The following TJP3 variants were observed in gnomAD, a reference collection of about 807,000 sequenced individuals.
The protein encoded by TJP3 is tight junction protein ZO-3.
In TJP3, 85 loss-of-function variants were observed where a neutral mutation model predicts 104.2. That is an observed-to-expected ratio of 0.82 (90% CI 0.68 to 0.98). TJP3 has a LOEUF of 0.98. Ranked by LOEUF, TJP3 falls within the 50% of genes least tolerant of loss-of-function variation. TJP3 has a pLI of 0.00. For synonymous variants in TJP3, 550 were observed against 550.6 expected, an observed-to-expected ratio of 1.00 and a Z score of 0.02; for missense variants, 1,367 against 1,322.8, an observed-to-expected ratio of 1.03 and a Z score of -0.52.
Position 3,746,422 on chromosome 19 carries a change from C to T in TJP3, c.2011-63C>T. 6.4e-7 allele frequency: 1 copy of T among 1,558,156 alleles called. No individual in the cohort carries two copies. The highest frequency in any genetic ancestry group is 1.1e-5 in the South Asian group (1 of 87,740). On this transcript the variant is annotated intron_variant, in intron 16 of 20. Transcript: ENST00000541714. This position sits in a 1 kb window ranked among gnomAD's most constrained non-coding sequence, Gnocchi z 4.1. ...GACCTCAGACTCTTCATCTTTCTAT[C>T]TTTCTCTCTCTGTTTACCCTGCTGC... is the stretch of plus-strand genomic sequence containing the variant.
rs777812692 is a variant in TJP3 at position 3,739,083 on chromosome 19, T to A, written c.1580T>A (p.Met527Lys). The change falls in exon 13 of 21, where the codon ATG becomes AAG. Residue 527 changes from methionine to lysine, a missense_variant. Coordinates refer to ENST00000541714, the MANE Select transcript of TJP3 (RefSeq NM_001267560.2). ...ARGGHWLAVRMGRDLREQERG... is the reference protein window; with the variant it reads ...ARGGHWLAVRKGRDLREQERG... Reference sequence around the variant, plus strand: ...GGAGGCCACTGGCTGGCGGTGCGCATGGGTCGTGACCTGCGGGAGCAAGAG... The same window carrying A: ...GGAGGCCACTGGCTGGCGGTGCGCAAGGGTCGTGACCTGCGGGAGCAAGAG... 1.1e-5 allele frequency: 18 copies of A among 1,603,650 alleles called. No homozygotes were observed. The East Asian group carries it at 3.6e-4, about 32-fold the overall frequency.
rs759313220 is a variant in TJP3, at chr19:3,730,719, G to A, written c.613+13G>A. 35 of 1,601,356 alleles carry A rather than the reference G, an allele frequency of 2.2e-5. No homozygotes were observed. Among genetic ancestry groups the A allele is most frequent in the African/African-American group, 9.3e-5 (7 of 75,024 alleles). The stretch of plus-strand genomic sequence containing the variant: ...AGAGACAGCGAAGGTCAGAAGAGGC[G>A]GGAGGTCGGACACGATCAGTACTGG... On this transcript the variant is annotated intron_variant, in intron 5 of 20. Transcript: ENST00000541714. This position sits in a 1 kb window ranked among gnomAD's most constrained non-coding sequence, Gnocchi z 7.3.
Position 3,736,245 on chromosome 19 carries a change from G to T in TJP3, c.1208G>T (p.Gly403Val). 6.4e-7 allele frequency: 1 copy of T among 1,573,178 alleles called. No individual in the cohort carries two copies. ...CGGCTGGCAGGGGGCAATGACGTGG[G>T]CATCTTCGTGTCCGGGGTGCAGGCG... ...GLRLAGGNDV[G>V]IFVSGVQAGS... The change falls in exon 11 of 21, where the codon GGC becomes GTC. Residue 403 changes from glycine to valine, a missense_variant. Transcript: ENST00000541714.
chr19:3,709,974 C>G (rs1225324227), intron 1 of TJP3, among the ~76,000 whole-genome samples: 2 of 151,846 alleles, frequency 1.3e-5, no homozygotes, highest in African/African-American at 4.8e-5. Flanking sequence ...ATGGTGGAAC[C>G]CTGTCTCTAC....
At chr19:3,728,745 G>C in intron 3 of TJP3, 32 bp downstream of exon 3, 1 of 1,607,500 alleles carries the variant, frequency 6.2e-7, no homozygotes, top group Non-Finnish European at 8.5e-7. Context: ...TTCTGGCGGG[G>C]GAGGGCACGT....
intron 2 of TJP3, 35 bp downstream of exon 2, chr19:3,728,515 A>T (rs1294595049): frequency 6.2e-7 from 1 of 1,603,018 alleles, no homozygotes; most frequent in Non-Finnish European, 8.5e-7. Context: ...GGTGCCAGAG[A>T]GTATGGCGGC....
In TJP3 at chr19:3,740,737, C is replaced by A; in HGVS notation, c.1817C>A (p.Pro606His). The A allele has an allele frequency of 6.3e-7, 1 of 1,591,832 alleles. No individual in the cohort carries two copies. Among genetic ancestry groups the A allele is most frequent in the Non-Finnish European group, 8.5e-7 (1 of 1,170,116 alleles). The change falls in exon 14 of 21, where the codon CCC becomes CAC. Residue 606 changes from proline (P) to histidine (H), a missense_variant. Transcript: ENST00000541714. ...SALTRQGRYPPYERVVLREAS... is the reference protein window; with the variant it reads ...SALTRQGRYPHYERVVLREAS... ...CTGACCCGACAGGGCCGCTACCCGC[C>A]CTACGAACGAGTGGTGTTGCGAGAA... is the stretch of plus-strand genomic sequence containing the variant.
At chr19:3,745,286 C>T (rs777722313) in intron 15 of TJP3, among the ~76,000 whole-genome samples, 36 of 151,644 alleles carry the variant, frequency 2.4e-4, no homozygotes, top group Non-Finnish European at 4.6e-4. Flanking sequence ...GCTGGGATTA[C>T]AGGCACGCGC....
In TJP3 at chr19:3,732,872, C is replaced by T. The variant is rs1329318324; in HGVS notation, c.717+834C>T. 4.0e-5 allele frequency among the ~76,000 whole-genome samples: 6 copies of T among 149,138 alleles called. No individual in the cohort carries two copies. The East Asian group carries it at 6.0e-4, about 15-fold the overall frequency. On this transcript the variant is annotated intron_variant, in intron 6 of 20. Transcript: ENST00000541714. ...CTTGGTCAGGCTGGTCTCGAACTCC[C>T]GACCTCAGGTGATCCATCCGCCTCG... is the stretch of plus-strand genomic sequence containing the variant.
At chr19:3,731,597 C>A (rs570558335) in intron 5 of TJP3, among the ~76,000 whole-genome samples, 1 of 152,218 alleles carries the variant, frequency 6.6e-6, no homozygotes, top group South Asian at 2.1e-4. Context: ...TTTGCCACTG[C>A]ACTCCAGCCC....
rs1298686589 is a variant in TJP3, at chr19:3,738,058, C to A, written c.1285-497C>A. On this transcript the variant is annotated intron_variant, in intron 11 of 20. Transcript: ENST00000541714. Reference sequence around the variant, plus strand: ...GTGGCTGTGTCTGTATATTGCTGTCCATGTCATGACCCGGAGAGCAGATGG... The same window carrying A: ...GTGGCTGTGTCTGTATATTGCTGTCAATGTCATGACCCGGAGAGCAGATGG... Among the ~76,000 whole-genome samples the A allele has an allele frequency of 2.2e-5, 3 of 135,176 alleles. No homozygotes were observed. In the East Asian group the frequency reaches 6.4e-4, roughly 29 times the overall value. The allele number at this position is 135,176 out of a possible 152,430, so 88.7% of individuals were successfully genotyped here. A position where few individuals can be genotyped will look rare whatever the true frequency, so the allele number is the denominator to read the frequency against.
At chr19:3,715,545 A>G (rs2145664108) in intron 1 of TJP3, among the ~76,000 whole-genome samples, 1 of 152,260 alleles carries the variant, frequency 6.6e-6, no homozygotes, top group South Asian at 2.1e-4. Flanking sequence ...GGGCATGGAT[A>G]TGAGAGCAGA....
In TJP3 at chr19:3,748,054, G is replaced by T; in HGVS notation, c.2583G>T (p.Gly861=). Residue 861 remains glycine (G), a synonymous_variant, in exon 19 of 21, where the codon GGG becomes GGT. Transcript: ENST00000541714. The part of the protein sequence containing the change: ...ADESQSPRDR[G]RISAHQGAQV... ...AGTCCCAGAGCCCGAGGGATCGTGG[G>T]AGAATCTCGGCTCATCAGGGGGCCC... The T allele has an allele frequency of 6.3e-7, 1 of 1,582,484 alleles. No homozygotes were observed.
intron 1 of TJP3, 63 bp from the exon 2 acceptor site, chr19:3,728,361 C>T: frequency 6.2e-7 from 1 of 1,613,028 alleles, no homozygotes; most frequent in Non-Finnish European, 8.5e-7. Context: ...GAGCTGGGGA[C>T]CCCCAAGTGC....
Position 3,740,783 on chromosome 19 carries a change from G to T in TJP3, c.1843+20G>T. On this transcript the variant is annotated intron_variant, in intron 14 of 20. Transcript: ENST00000541714. ...GAGAAGGTGGGGCCCGGAGCTGGAG[G>T]GGCCCTGGGGAGGCCTCACACACAG... 2 of 1,522,196 alleles carry T rather than the reference G, an allele frequency of 1.3e-6. No homozygotes were observed. Among genetic ancestry groups the T allele is most frequent in the Non-Finnish European group, 1.8e-6 (2 of 1,134,972 alleles). The allele number at this position is 1,522,196 out of a possible 1,614,324, so 94.3% of individuals were successfully genotyped here.
chr19:3,712,135 G>A (rs932289861), intron 1 of TJP3, among the ~76,000 whole-genome samples: 27 of 152,282 alleles, frequency 1.8e-4, no homozygotes, highest in Admixed American at 4.6e-4. Flanking sequence ...GGCAAACGTG[G>A]TGAAACTCTG....
At chr19:3,714,597 A>G (rs1314584395) in intron 1 of TJP3, among the ~76,000 whole-genome samples, 1 of 152,022 alleles carries the variant, frequency 6.6e-6, no homozygotes, top group African/African-American at 2.4e-5. Context: ...TAATTGAATA[A>G]TCGCATATGT....
intron 1 of TJP3, among the ~76,000 whole-genome samples, chr19:3,715,309 T>C (rs931108384): frequency 6.6e-6 from 1 of 152,162 alleles, no homozygotes; most frequent in Non-Finnish European, 1.5e-5. Context: ...CAGGATGGTC[T>C]CGATCTCCTG....
chr19:3,733,616 A>G, intron 6 of TJP3, 137 bp from the exon 7 acceptor site: 1 of 1,168,724 alleles, frequency 8.6e-7, no homozygotes, highest in Non-Finnish European at 1.2e-6. Context: ...CCAATTCAAC[A>G]CTTTCCTTAG....
Sources: gnomAD v4.1 joint callset for allele counts (sites outside exome capture counted in the v4.1 genomes callset) on GRCh38, gnomAD v4.1.1 for gene constraint, Gnocchi (gnomAD v3.1) non-coding constraint, MANE v1.5 for transcripts, NCBI Gene and HGNC (gene_info 2026-07-23, HGNC 2026-07-21) for gene names.